Variants in GAB1 observed in about 807,000 individuals in gnomAD.
GAB1 encodes GRB2-associated-binding protein 1.
GAB1 carries 19 observed loss-of-function variants against 66.5 expected under a neutral mutation model. The ratio of observed to expected loss-of-function variants is 0.29; its 90% CI spans 0.20 to 0.42. The LOEUF (loss-of-function observed/expected upper bound fraction) is 0.42, where lower values mean the gene tolerates loss of function less well. Among genes scored for constraint, GAB1 ranks in the 10% least tolerant of loss-of-function variants. The probability of loss-of-function intolerance (pLI) is 1.00; values close to 1 mark genes in which losing one functional copy is unlikely to be tolerated. For missense variants in GAB1, 732 were observed against 858.5 expected (o/e 0.85, Z 1.84); for synonymous variants, 294 against 301.4 (o/e 0.98, Z 0.25).
Position 143,415,751 on chromosome 4 carries a change from G to A in GAB1, c.347G>A (p.Gly116Glu), listed in dbSNP as rs1553950635. The A allele has an allele frequency of 1.2e-6, 2 of 1,604,864 alleles. No individual in the cohort carries two copies. The highest frequency in any genetic ancestry group is 2.2e-5 in the South Asian group (2 of 89,868). ...KWVRCICDIC[G>E]FNPTEEDPVK... ...GTTCGTTGTATTTGTGACATCTGTG[G>A]GTTTAATCCAACAGAAGAAGGTAAG... is the stretch of plus-strand genomic sequence containing the variant. Residue 116 changes from glycine to glutamate, a missense_variant, in exon 2 of 10, where the codon GGG becomes GAG. Gly to Glu is a moderately conservative substitution (Grantham distance 98, BLOSUM62 -2). Coordinates refer to ENST00000262994, the MANE Select transcript of GAB1 (RefSeq NM_002039.4).
chr4:143,373,229 A>G (rs1416504897), intron 1 of GAB1, among the ~76,000 whole-genome samples: 2 of 152,170 alleles, frequency 1.3e-5, no homozygotes, highest in African/African-American at 2.4e-5. Context: ...CTACATTAAG[A>G]TCCTTTGGAA....
intron 1 of GAB1, among the ~76,000 whole-genome samples, chr4:143,366,253 C>T (rs73853818): frequency 0.021 from 3,162 of 152,182 alleles, 104 homozygotes; most frequent in African/African-American, 0.072. Flanking sequence ...TCAAATTTAT[C>T]TTTAGATAAT....
intron 1 of GAB1, among the ~76,000 whole-genome samples, chr4:143,403,142 C>CT (rs202059722): frequency 1.7e-3 from 258 of 147,878 alleles, no homozygotes; most frequent in Middle Eastern, 7.0e-3. Flanking sequence ...TTTCTTTTTT[C>CT]TTTTTTTTTT....
intron 6 of GAB1, among the ~76,000 whole-genome samples, chr4:143,447,194 G>A (rs1434118956): frequency 6.6e-6 from 1 of 152,044 alleles, no homozygotes; most frequent in Non-Finnish European, 1.5e-5. Context: ...TTTGGTTACT[G>A]TAGCCTTGTA....
In GAB1 at chr4:143,337,100, G is replaced by A. The variant is rs1728675891; in HGVS notation, c.-89G>A. 1.7e-6 allele frequency: 2 copies of A among 1,178,766 alleles called. No homozygotes were observed. Among genetic ancestry groups the A allele is most frequent in the East Asian group, 2.6e-5 (1 of 38,102 alleles). The allele number at this position is 1,178,766 out of a possible 1,614,324, so 73.0% of individuals were successfully genotyped here. A position where few individuals can be genotyped will look rare whatever the true frequency, so the allele number is the denominator to read the frequency against. ...GCGCGACCAGGAGAGCTAGGTTCTC[G>A]CCACTGCGCGCTCGGCAGGCGTCGG... On this transcript the variant is annotated 5_prime_UTR_variant, in exon 1 of 10. Transcript: ENST00000262994.
At chr4:143,405,160 C>T (rs1481539121) in intron 1 of GAB1, among the ~76,000 whole-genome samples, 1 of 152,082 alleles carries the variant, frequency 6.6e-6, no homozygotes, top group Admixed American at 6.5e-5. Flanking sequence ...TCTGTGATGA[C>T]GTTACATTCT....
At chr4:143,425,911 C>G in intron 2 of GAB1, 1 of 1,372,136 alleles carries the variant, frequency 7.3e-7, no homozygotes, top group Non-Finnish European at 1.0e-6. Context: ...TGGGTAGGAG[C>G]AACCACTGGA....
At chr4:143,468,431 T>G (rs1258433784) in intron 9 of GAB1, among the ~76,000 whole-genome samples, 1 of 151,250 alleles carries the variant, frequency 6.6e-6, no homozygotes, top group Non-Finnish European at 1.5e-5. Context: ...GCCAGGCTGG[T>G]CTTGAACTCC....
Position 143,415,785 on chromosome 4 carries a change from A to G in GAB1, c.367+14A>G. ...CAACAGAAGAAGGTAAGTTCAAGAT[A>G]TTACTATTCAACTTGAATTCTTCTT... On this transcript the variant is annotated intron_variant, in intron 2 of 9. Coordinates refer to ENST00000262994, the MANE Select transcript of GAB1 (RefSeq NM_002039.4). The G allele has an allele frequency of 6.5e-7, 1 of 1,540,646 alleles. No homozygotes were observed. The highest frequency in any genetic ancestry group is 8.8e-7 in the Non-Finnish European group (1 of 1,139,518).
chr4:143,398,963 C>A (rs1484468861), intron 1 of GAB1, among the ~76,000 whole-genome samples: 1 of 152,044 alleles, frequency 6.6e-6, no homozygotes, highest in Non-Finnish European at 1.5e-5. Flanking sequence ...AAACCCATAC[C>A]CTTTCTAGAT....
At position 143,350,651 on chromosome 4, in the gene GAB1, C is replaced by G. The variant is rs1394235972; in HGVS notation, c.72+13391C>G. On this transcript the variant is annotated intron_variant, in intron 1 of 9. Coordinates refer to ENST00000262994, the MANE Select transcript of GAB1 (RefSeq NM_002039.4). Reference sequence around the variant, plus strand: ...CGAGATCTCGTCATTGCACTCCAGCCTGGGCAACAAGCGTGAAACTCCGTC... The same window carrying G: ...CGAGATCTCGTCATTGCACTCCAGCGTGGGCAACAAGCGTGAAACTCCGTC... Among the ~76,000 whole-genome samples the G allele has an allele frequency of 2.1e-5, 3 of 140,958 alleles. No individual in the cohort carries two copies. In the East Asian group the frequency reaches 6.0e-4, roughly 28 times the overall value. 92.5% of individuals were successfully genotyped at this position (140,958 alleles called of 152,430 possible). A position where few individuals can be genotyped will look rare whatever the true frequency, so the allele number is the denominator to read the frequency against.
intron 9 of GAB1, among the ~76,000 whole-genome samples, chr4:143,468,275 C>T (rs1735904411): frequency 7.5e-6 from 1 of 133,086 alleles, no homozygotes; most frequent in Admixed American, 8.6e-5. Context: ...AGTGCAGTGG[C>T]ACGATCTTGG....
chr4:143,438,491 C>T lies in GAB1; in HGVS notation c.1086C>T (p.Ile362=). 2.5e-6 allele frequency: 4 copies of T among 1,613,978 alleles called. No homozygotes were observed. The highest frequency in any genetic ancestry group is 3.4e-6 in the Non-Finnish European group (4 of 1,179,966). ...GATCTCCTGTGGAAACGTGTAGTAT[C>T]CCACGCACCGCCTCAGACACTGACA... ...HDRSPVETCS[I]PRTASDTDSS... Residue 362 remains isoleucine, a synonymous_variant, in exon 4 of 10, where the codon ATC becomes ATT. Coordinates refer to ENST00000262994, the MANE Select transcript of GAB1 (RefSeq NM_002039.4).
chr4:143,403,918 T>C (rs1731907818), intron 1 of GAB1, among the ~76,000 whole-genome samples: 1 of 152,200 alleles, frequency 6.6e-6, no homozygotes, highest in African/African-American at 2.4e-5. Context: ...AAGAAGAAAA[T>C]GATATTTAAG....
At chr4:143,349,175 TTAAAA>T in intron 1 of GAB1, 1 of 471,428 alleles carries the variant, frequency 2.1e-6, no homozygotes, top group Non-Finnish European at 3.7e-6. Context: ...CCTTCCTAGA[TTAAAA>T]TATTCTAACC....
In GAB1 at chr4:143,443,296, G is replaced by C. The variant is rs28925920; in HGVS notation, c.1585+2914G>C. 2.0e-4 allele frequency among the ~76,000 whole-genome samples: 31 copies of C among 152,202 alleles called. No homozygotes were observed. The East Asian group carries it at 5.0e-3, about 25-fold the overall frequency. On this transcript the variant is annotated intron_variant, in intron 6 of 9. Transcript: ENST00000262994. Reference sequence around the variant, plus strand: ...CTTCCAAAGTGCTGGGATTACAGGCGTGAGCCACTGTGCCCGGCCTGTACT... The same window carrying C: ...CTTCCAAAGTGCTGGGATTACAGGCCTGAGCCACTGTGCCCGGCCTGTACT...
At chr4:143,451,386 G>T (rs1734922327) in intron 6 of GAB1, among the ~76,000 whole-genome samples, 1 of 152,184 alleles carries the variant, frequency 6.6e-6, no homozygotes, top group Non-Finnish European at 1.5e-5. Context: ...CAGATGCCTT[G>T]CAGGTTCCTG....
At position 143,415,579 on chromosome 4, in the gene GAB1, A is replaced by G. The variant is rs770173318; in HGVS notation, c.175A>G (p.Ile59Val). ...KNDHAKKPIR[I>V]IDLNLCQQVD... is the part of the protein sequence containing the mutation. The stretch of plus-strand genomic sequence containing the variant: ...TGATCATGCCAAGAAGCCTATTCGT[A>G]TTATTGATTTAAATTTATGTCAACA... Residue 59 changes from isoleucine (I) to valine (V), a missense_variant, in exon 2 of 10, where the codon ATT (isoleucine) becomes GTT (valine). Around this residue, in one of 4 missense-constraint regions of GAB1, gnomAD observed 66 missense variants for 130.3 expected, o/e 0.51. Coordinates refer to ENST00000262994, the MANE Select transcript of GAB1 (RefSeq NM_002039.4). The G allele has an allele frequency of 1.1e-5, 17 of 1,613,486 alleles. No individual in the cohort carries two copies. The highest frequency in any genetic ancestry group is 1.4e-5 in the Non-Finnish European group (17 of 1,179,492).
intron 2 of GAB1, 40 bp from the exon 3 acceptor site, chr4:143,433,451 T>G (rs897964328): frequency 1.4e-6 from 2 of 1,471,038 alleles, no homozygotes; most frequent in African/African-American, 2.8e-5. Flanking sequence ...AAAAATTGTT[T>G]AACTGTGATA....
Sources: allele counts gnomAD v4.1 joint callset (sites outside exome capture counted in the v4.1 genomes callset), GRCh38; gene constraint gnomAD v4.1.1; regional missense constraint gnomAD v4.1.1; transcripts MANE v1.5; gene names NCBI Gene and HGNC (gene_info 2026-07-23, HGNC 2026-07-21).